The following TASP1 variants were observed in gnomAD, a reference collection of about 807,000 sequenced individuals.
TASP1 encodes the protein taspase 1.
A neutral mutation model predicts 56.6 loss-of-function variants in TASP1; 16 were observed. The observed-to-expected ratio is 0.28, with a 90% CI of 0.19 to 0.43. The LOEUF (loss-of-function observed/expected upper bound fraction) is 0.43, where lower values mean the gene tolerates loss of function less well. Among genes scored for constraint, TASP1 ranks in the 20% least tolerant of loss-of-function variants. The pLI is 1.00. For missense variants in TASP1, 393 were observed against 511.6 expected (o/e 0.77, Z 2.24); for synonymous variants, 179 against 184.2 (o/e 0.97, Z 0.23).
chr20:13,600,790 CACAT>C (rs372386957), intron 4 of TASP1, among the ~76,000 whole-genome samples: 79 of 152,152 alleles, frequency 5.2e-4, no homozygotes, highest in African/African-American at 1.8e-3. Flanking sequence ...TGTATATGCA[CACAT>C]ACATACATAC....
chr20:13,157,284 A>AG, the TASP1 span, among the ~76,000 whole-genome samples: 1 of 151,344 alleles, frequency 6.6e-6, no homozygotes, highest in Admixed American at 6.6e-5. Flanking sequence ...AAAAAAAAAA[A>AG]AAATTAGCTG....
At chr20:13,556,883 G>C (rs1279210739) in intron 8 of TASP1, among the ~76,000 whole-genome samples, 1 of 152,102 alleles carries the variant, frequency 6.6e-6, no homozygotes, top group African/African-American at 2.4e-5. Context: ...ACATCATTTT[G>C]TTCTTCTTTT....
the TASP1 span, chr20:13,288,553 C>A: frequency 1.5e-4 from 243 of 1,613,706 alleles, 1 homozygote; most frequent in Middle Eastern, 1.3e-3. Flanking sequence ...CCACAGATGG[C>A]GAGGGTGACT....
intron 11 of TASP1, among the ~76,000 whole-genome samples, chr20:13,436,413 G>A (rs954570078): frequency 1.3e-5 from 2 of 151,394 alleles, no homozygotes; most frequent in African/African-American, 4.9e-5. Flanking sequence ...CCGTGACACA[G>A]GCTGCAAGCC....
At chr20:13,585,635 T>C (rs1185654380) in intron 5 of TASP1, among the ~76,000 whole-genome samples, 1 of 152,044 alleles carries the variant, frequency 6.6e-6, no homozygotes, top group Non-Finnish European at 1.5e-5. Flanking sequence ...ACTACACACA[T>C]AAATCACTAG....
the TASP1 span, among the ~76,000 whole-genome samples, chr20:13,359,014 C>CCTTGTCTCTACCCCTTCTCTGCTT: frequency 5.8e-5 from 8 of 137,608 alleles, no homozygotes; most frequent in Non-Finnish European, 7.9e-5. Context: ...ACCCCTTCTC[C>CCTTGTCTCTACCCCTTCTCTGCTT]TTCACCCTTA....
At chr20:13,227,100 T>C in the TASP1 span, among the ~76,000 whole-genome samples, 1 of 152,250 alleles carries the variant, frequency 6.6e-6, no homozygotes, top group Non-Finnish European at 1.5e-5. Context: ...TTGTGTCATA[T>C]TAATATTGCA....
the TASP1 span, among the ~76,000 whole-genome samples, chr20:13,184,523 C>T: frequency 6.6e-6 from 1 of 152,160 alleles, no homozygotes; most frequent in Non-Finnish European, 1.5e-5. Flanking sequence ...TAATCTTTCA[C>T]AATCACAAGC....
intron 4 of TASP1, among the ~76,000 whole-genome samples, chr20:13,610,694 T>C (rs927251188): frequency 6.6e-6 from 1 of 151,620 alleles, no homozygotes; most frequent in Admixed American, 6.6e-5. Context: ...CTTACAAAGT[T>C]TTTTTTTTAA....
At chr20:13,288,431 C>A in the TASP1 span, 3 of 1,190,738 alleles carry the variant, frequency 2.5e-6, no homozygotes, top group Non-Finnish European at 3.5e-6. Flanking sequence ...TCCAGCAATC[C>A]CCTCCCACAG....
At chr20:13,440,309 AG>A (rs781126066) in intron 11 of TASP1, among the ~76,000 whole-genome samples, 24 of 152,210 alleles carry the variant, frequency 1.6e-4, no homozygotes, top group Non-Finnish European at 3.2e-4. Flanking sequence ...TGAAGAAGGG[AG>A]GTAAATAATG....
In TASP1 at chr20:13,506,303, A is replaced by C. The variant is rs145184283; in HGVS notation, c.874+22130T>G. 1.2e-3 allele frequency among the ~76,000 whole-genome samples: 181 copies of C among 152,290 alleles called. 1 individual carries two copies. Among genetic ancestry groups the C allele is most frequent in the African/African-American group, 4.1e-3 (170 of 41,578 alleles). ...CCAGAACCTGGTAGCTTTGCTACTGAGTTCTACCAAACATTTAAAGAACTA... is the reference window on the plus strand; with the variant it reads ...CCAGAACCTGGTAGCTTTGCTACTGCGTTCTACCAAACATTTAAAGAACTA... On this transcript the variant is annotated intron_variant, in intron 10 of 13. Coordinates refer to ENST00000337743, the MANE Select transcript of TASP1 (RefSeq NM_017714.3).
At chr20:13,305,250 CAG>C in the TASP1 span, among the ~76,000 whole-genome samples, 2 of 146,372 alleles carry the variant, frequency 1.4e-5, no homozygotes, top group Admixed American at 1.4e-4. Flanking sequence ...ATTCAACAGA[CAG>C]AAAATTAATC....
the TASP1 span, among the ~76,000 whole-genome samples, chr20:13,329,548 T>C: frequency 6.7e-6 from 1 of 149,302 alleles, no homozygotes; most frequent in African/African-American, 2.6e-5. Context: ...GTAATATGCT[T>C]TTGTTTTTTT....
chr20:13,351,709 G>A, the TASP1 span, among the ~76,000 whole-genome samples: 1 of 152,090 alleles, frequency 6.6e-6, no homozygotes, highest in African/African-American at 2.4e-5. Context: ...TTGTGGTGGT[G>A]GTGGTTACTT....
the TASP1 span, among the ~76,000 whole-genome samples, chr20:13,115,253 G>A: frequency 6.6e-6 from 1 of 152,190 alleles, no homozygotes; most frequent in Non-Finnish European, 1.5e-5. Context: ...TTGTGAAAAT[G>A]AAAACTTAGT....
the TASP1 span, among the ~76,000 whole-genome samples, chr20:13,174,320 T>C: frequency 6.6e-6 from 1 of 152,162 alleles, no homozygotes; most frequent in Non-Finnish European, 1.5e-5. Context: ...AGAGGCAACT[T>C]GAACATACAT....
In TASP1 at chr20:13,615,750, G is replaced by A. The variant is rs537532378; in HGVS notation, c.282+7696C>T. Among the ~76,000 whole-genome samples, 309 of 152,068 alleles carry A rather than the reference G, an allele frequency of 2.0e-3. 1 individual carries two copies. The highest frequency in any genetic ancestry group is 6.6e-3 in the African/African-American group (275 of 41,482). On this transcript the variant is annotated intron_variant, in intron 4 of 13. Transcript: ENST00000337743. Reference sequence around the variant, plus strand: ...GATCTCCTGACCTCGTGATCCGCCCGTCTCGGCCTCCCAAAGTGCTGGGAT... The same window carrying A: ...GATCTCCTGACCTCGTGATCCGCCCATCTCGGCCTCCCAAAGTGCTGGGAT...
Position 13,580,898 on chromosome 20 carries a change from A to G in TASP1, c.487T>C (p.Cys163Arg). ...AGTCAGGAAGAACAAAGTGGTTACC[A>G]GGGAGGAATTCTGCCAGCCGAGAGC... ...GKLSAGRIPP[C>R]FLVGEGAYRW... Residue 163 changes from cysteine to arginine, a missense_variant and splice_region_variant, in exon 6 of 14, where the codon TGC becomes CGC. Transcript: ENST00000337743. The G allele has an allele frequency of 1.2e-6, 2 of 1,613,496 alleles. No individual in the cohort carries two copies. Among genetic ancestry groups the G allele is most frequent in the Non-Finnish European group, 8.5e-7 (1 of 1,179,656 alleles).
Sources: allele counts gnomAD v4.1 joint callset (sites outside exome capture counted in the v4.1 genomes callset), GRCh38; gene constraint gnomAD v4.1.1; transcripts MANE v1.5; gene names NCBI Gene and HGNC (gene_info 2026-07-23, HGNC 2026-07-21).